Variants in LARGE1 observed in about 807,000 individuals in gnomAD.
The protein encoded by LARGE1 is LARGE xylosyl- and glucuronyltransferase 1.
Under a neutral mutation model 87.6 loss-of-function variants are expected in LARGE1, and 43 were observed. The ratio of observed to expected loss-of-function variants is 0.49; its 90% CI spans 0.38 to 0.63. LARGE1 has a LOEUF of 0.63. LARGE1 is among the 30% of genes least tolerant of loss of function. The pLI is 0.00. For synonymous variants in LARGE1, 434 were observed against 394.6 expected (o/e 1.10, Z -1.18); for missense variants, 802 against 1,000.2 (o/e 0.80, Z 2.67).
chr22:33,897,277 CA>C (rs1667473922), intron 1 of LARGE1, among the ~76,000 whole-genome samples: 3 of 152,318 alleles, frequency 2.0e-5, no homozygotes, highest in Non-Finnish European at 4.4e-5. Context: ...CATTCTTTTG[CA>C]AAAACCCCAC....
intron 7 of LARGE1, among the ~76,000 whole-genome samples, chr22:33,422,760 C>T (rs5998936): frequency 0.018 from 2,734 of 151,970 alleles, 34 homozygotes; most frequent in Middle Eastern, 0.058. Context: ...CCTCTGCGCC[C>T]GGCCATACAC....
At chr22:33,661,202 A>G (rs1208235715) in intron 2 of LARGE1, among the ~76,000 whole-genome samples, 1 of 149,332 alleles carries the variant, frequency 6.7e-6, no homozygotes, top group East Asian at 2.0e-4. Flanking sequence ...ATTTATTACC[A>G]AAAAAGGTTC....
chr22:33,484,345 G>A (rs2069473219), intron 6 of LARGE1, among the ~76,000 whole-genome samples: 1 of 152,102 alleles, frequency 6.6e-6, no homozygotes, highest in African/African-American at 2.4e-5. Flanking sequence ...TAAAACCAAT[G>A]TCATCATGAT....
chr22:33,772,732 T>G (rs993416341), intron 1 of LARGE1, among the ~76,000 whole-genome samples: 1 of 152,216 alleles, frequency 6.6e-6, no homozygotes. Context: ...GATTGATTAC[T>G]TGCTTAATCG....
At chr22:33,644,517 T>C (rs560576289) in intron 3 of LARGE1, among the ~76,000 whole-genome samples, 13 of 152,278 alleles carry the variant, frequency 8.5e-5, no homozygotes, top group Middle Eastern at 3.4e-3. Flanking sequence ...AAGGATGCCC[T>C]CTCTCATCAC....
intron 6 of LARGE1, among the ~76,000 whole-genome samples, chr22:33,533,336 G>GT (rs775213621): frequency 2.6e-5 from 4 of 152,200 alleles, no homozygotes; most frequent in Non-Finnish European, 4.4e-5. Flanking sequence ...GAAAGACCGA[G>GT]TCCTCACTTG....
At chr22:33,457,178 A>G (rs1021218584) in intron 6 of LARGE1, among the ~76,000 whole-genome samples, 11 of 150,646 alleles carry the variant, frequency 7.3e-5, no homozygotes, top group African/African-American at 2.7e-4. Context: ...GGGTGGATGG[A>G]GTGCAGTGGC....
chr22:33,581,118 T>G (rs1459999305), intron 5 of LARGE1, among the ~76,000 whole-genome samples: 1 of 152,218 alleles, frequency 6.6e-6, no homozygotes, highest in African/African-American at 2.4e-5. Context: ...AAGTAAGGGA[T>G]TCATACCTCT....
chr22:33,846,688 G>A (rs149850913), intron 1 of LARGE1, among the ~76,000 whole-genome samples: 2,037 of 152,248 alleles, frequency 0.013, 45 homozygotes, highest in African/African-American at 0.047. Flanking sequence ...ATGCCTGGGG[G>A]TATAGGTCTA....
chr22:33,686,403 C>T (rs1225424535), intron 2 of LARGE1, among the ~76,000 whole-genome samples: 1 of 151,762 alleles, frequency 6.6e-6, no homozygotes, highest in Non-Finnish European at 1.5e-5. Flanking sequence ...TTAGCCAGGC[C>T]GTGGTGGTGC....
intron 1 of LARGE1, among the ~76,000 whole-genome samples, chr22:33,774,087 G>T (rs900839254): frequency 6.7e-6 from 1 of 149,358 alleles, no homozygotes; most frequent in East Asian, 2.1e-4. Context: ...GGGTGGGGGT[G>T]GAGGGGCGGA....
At chr22:33,796,866 G>GC (rs749551155) in intron 1 of LARGE1, among the ~76,000 whole-genome samples, 1 of 148,258 alleles carries the variant, frequency 6.7e-6, no homozygotes, top group Non-Finnish European at 1.5e-5. Context: ...CCTGGTTCAA[G>GC]CAATTCTCCT....
chr22:33,703,943 A>G (rs559004235), intron 2 of LARGE1, among the ~76,000 whole-genome samples: 38 of 152,354 alleles, frequency 2.5e-4, no homozygotes, highest in African/African-American at 8.9e-4. Context: ...CATCAGAAAA[A>G]TGAATTAGAG....
chr22:33,292,016 C>G (rs1349766431), intron 12 of LARGE1, among the ~76,000 whole-genome samples: 1 of 152,120 alleles, frequency 6.6e-6, no homozygotes, highest in Non-Finnish European at 1.5e-5. Context: ...ATCGCTTGAA[C>G]CAGGGAGGCG....
intron 5 of LARGE1, among the ~76,000 whole-genome samples, chr22:33,603,745 G>A (rs994880460): frequency 1.1e-4 from 16 of 152,226 alleles, no homozygotes; most frequent in Admixed American, 7.2e-4. Context: ...AAGACTGGAA[G>A]TAGAATCAAG....
intron 10 of LARGE1, among the ~76,000 whole-genome samples, chr22:33,335,521 C>G (rs1254418148): frequency 2.0e-5 from 3 of 152,150 alleles, no homozygotes; most frequent in Non-Finnish European, 4.4e-5. Context: ...CATTGGGAGC[C>G]TAAAAGAATT....
intron 2 of LARGE1, among the ~76,000 whole-genome samples, chr22:33,740,369 C>T (rs1020659047): frequency 1.2e-4 from 18 of 152,198 alleles, no homozygotes; most frequent in Admixed American, 1.1e-3. Context: ...AGATTGCTCT[C>T]AGCCTTAAAT....
At position 33,230,813 on chromosome 22, in the gene LARGE1, T is replaced by C. The variant is rs112645681; in HGVS notation, c.1731-63981A>G. Among the ~76,000 whole-genome samples the C allele has an allele frequency of 5.3e-3, 807 of 152,350 alleles. 4 individuals are homozygous for C. Among genetic ancestry groups the C allele is most frequent in the Middle Eastern group, 0.02 (6 of 294 alleles). On this transcript the variant is annotated intron_variant, in intron 11 of 11. Transcript: ENST00000608642. ...GTTCATAATAATTATAAAGCATGTG[T>C]GTGCTCAAAAAGAGACCATTCAGAC...
At chr22:33,726,090 C>A (rs1208263519) in intron 2 of LARGE1, 1 of 141,810 alleles carries the variant, frequency 7.1e-6, no homozygotes, top group Non-Finnish European at 1.5e-5. Flanking sequence ...ATTTTCACAG[C>A]TACTCTTTTT....
Sources: allele counts gnomAD v4.1 joint callset (sites outside exome capture counted in the v4.1 genomes callset), GRCh38; gene constraint gnomAD v4.1.1; transcripts MANE v1.5; gene names NCBI Gene and HGNC (gene_info 2026-07-23, HGNC 2026-07-21).